The following STOX1 variants were observed in gnomAD, a reference collection of about 807,000 sequenced individuals.
STOX1 encodes storkhead box 1, also known as storkhead-box protein 1.
In STOX1, 57 loss-of-function variants were observed where a neutral mutation model predicts 74.8. That is an observed-to-expected ratio of 0.76 (90% CI 0.62 to 0.95). The LOEUF is 0.95. Among genes scored for constraint, STOX1 ranks in the 40% least tolerant of loss-of-function variants. The probability of loss-of-function intolerance (pLI) is 0.00; values close to 1 mark genes in which losing one functional copy is unlikely to be tolerated. For missense variants in STOX1, 1,010 were observed against 1,117.0 expected (o/e 0.90, Z 1.37); for synonymous variants, 375 against 401.3 (o/e 0.93, Z 0.78).
chr10:68,858,385 G>A (rs922589340), intron 1 of STOX1, among the ~76,000 whole-genome samples: 5 of 152,034 alleles, frequency 3.3e-5, no homozygotes, highest in Middle Eastern at 3.2e-3. Context: ...GCTGAGGAGC[G>A]GTCACCTCCA....
In STOX1 at chr10:68,827,697, C is replaced by T. The variant is rs1489728775; in HGVS notation, c.74C>T (p.Ala25Val). 4 of 939,570 alleles carry T rather than the reference C, an allele frequency of 4.3e-6. No homozygotes were observed. Among genetic ancestry groups the T allele is most frequent in the African/African-American group, 1.8e-5 (1 of 55,722 alleles). 58.2% of individuals were successfully genotyped at this position (939,570 alleles called of 1,614,324 possible). A position where few individuals can be genotyped will look rare whatever the true frequency, so the allele number is the denominator to read the frequency against. ...TGCCGGCTGGAGGCGCAGAAGGCGG[C>T]GGGGGCCGCGGAGGAGCCTGGTGGG... ...VLCRLEAQKA[A>V]GAAEEPGGRA... The change falls in exon 1 of 4, where the codon GCG (alanine) becomes GTG (valine). Residue 25 changes from alanine (A) to valine (V), a missense_variant. Physicochemically the swap from Ala to Val is moderately conservative, Grantham distance 64. Transcript: ENST00000298596.
At chr10:68,851,402 AATT>A in intron 1 of STOX1, among the ~76,000 whole-genome samples, 1 of 152,240 alleles carries the variant, frequency 6.6e-6, no homozygotes, top group East Asian at 1.9e-4. Flanking sequence ...TTTCTAATAT[AATT>A]ATGATCCAAT....
At position 68,885,591 on chromosome 10, in the gene STOX1, C is replaced by T. The variant is rs1245198469; in HGVS notation, c.1795C>T (p.Pro599Ser). The T allele has an allele frequency of 6.2e-7, 1 of 1,614,018 alleles. No homozygotes were observed. Among genetic ancestry groups the T allele is most frequent in the Non-Finnish European group, 8.5e-7 (1 of 1,180,040 alleles). ...GTTGCAAAATGATGGTAAATGCTGT[C>T]CCTTTATGGAAAGCATGTTGAGATA... ...SMLQNDGKCC[P>S]FMESMLRYEV... Residue 599 changes from proline (P) to serine (S), a missense_variant, in exon 3 of 4, where the codon CCC becomes TCC. Transcript: ENST00000298596.
intron 2 of STOX1, 54 bp downstream of exon 2, chr10:68,882,164 A>G: frequency 6.5e-7 from 1 of 1,547,506 alleles, no homozygotes; most frequent in Non-Finnish European, 8.9e-7. Context: ...TTTGGTTTCT[A>G]TTTATAATTA....
chr10:68,890,615 T>A (rs1841073885), intron 3 of STOX1, among the ~76,000 whole-genome samples: 1 of 151,866 alleles, frequency 6.6e-6, no homozygotes, highest in African/African-American at 2.4e-5. Context: ...TAAAAACGTA[T>A]CATTACTTCT....
chr10:68,884,502 G>C lies in STOX1; in HGVS notation c.706G>C (p.Ala236Pro). The change falls in exon 3 of 4, where the codon GCC becomes CCC. Residue 236 changes from alanine to proline, a missense_variant. Physicochemically the swap from Ala to Pro is conservative, Grantham distance 27 (BLOSUM62 -1). Transcript: ENST00000298596. ...TGCAGAGTCAGCCCAAGAGAATGCT[G>C]CCCCCATATCCCACTGTCAGTCTTG... is the stretch of plus-strand genomic sequence containing the variant. Reference protein sequence around the residue: ...SCAESAQENAAPISHCQSCQC... With the variant: ...SCAESAQENAPPISHCQSCQC... 1 of 1,613,774 alleles carries C rather than the reference G, an allele frequency of 6.2e-7. No homozygotes were observed. The highest frequency in any genetic ancestry group is 1.1e-5 in the South Asian group (1 of 91,086).
chr10:68,870,315 G>A (rs1840507376), intron 1 of STOX1, among the ~76,000 whole-genome samples: 1 of 152,084 alleles, frequency 6.6e-6, no homozygotes, highest in Non-Finnish European at 1.5e-5. Flanking sequence ...ACCATAATCT[G>A]TTCCAGGTTT....
chr10:68,842,017 G>A (rs1839702948), intron 1 of STOX1, among the ~76,000 whole-genome samples: 3 of 151,592 alleles, frequency 2.0e-5, no homozygotes, highest in Non-Finnish European at 2.9e-5. Flanking sequence ...GTGTGTGTTG[G>A]AGGATCATGG....
intron 1 of STOX1, among the ~76,000 whole-genome samples, chr10:68,848,664 G>GTTTGT (rs754605527): frequency 6.6e-6 from 1 of 152,024 alleles, no homozygotes; most frequent in African/African-American, 2.4e-5. Context: ...TGAGCAGTTT[G>GTTTGT]TTTGTTTTGT....
chr10:68,879,974 G>C (rs1352974001), intron 1 of STOX1, among the ~76,000 whole-genome samples: 5 of 152,112 alleles, frequency 3.3e-5, no homozygotes, highest in African/African-American at 1.2e-4. Context: ...AAGCACCTCA[G>C]TCCTGGGCAT....
chr10:68,856,593 A>G (rs1297634456), intron 1 of STOX1, among the ~76,000 whole-genome samples: 1 of 152,068 alleles, frequency 6.6e-6, no homozygotes, highest in African/African-American at 2.4e-5. Flanking sequence ...CTCCTGAGAC[A>G]GGAAGATCAG....
At chr10:68,837,860 AC>A (rs541597463) in intron 1 of STOX1, among the ~76,000 whole-genome samples, 289 of 152,322 alleles carry the variant, frequency 1.9e-3, no homozygotes, top group South Asian at 3.9e-3. Context: ...CCAATAAGAT[AC>A]CATCTATGCA....
chr10:68,835,080 T>C (rs1256181171), intron 1 of STOX1, among the ~76,000 whole-genome samples: 1 of 150,190 alleles, frequency 6.7e-6, no homozygotes, highest in Non-Finnish European at 1.5e-5. Flanking sequence ...CTTGCTCTTT[T>C]GCTCAGGCTG....
intron 1 of STOX1, among the ~76,000 whole-genome samples, chr10:68,842,536 C>CTTT (rs11332701): frequency 8.5e-4 from 61 of 71,916 alleles, no homozygotes; most frequent in Non-Finnish European, 9.3e-4. Context: ...TGTACCATTT[C>CTTT]TTTTTTTTTT....
intron 1 of STOX1, among the ~76,000 whole-genome samples, chr10:68,839,757 G>A (rs1839648106): frequency 6.6e-6 from 1 of 152,170 alleles, no homozygotes; most frequent in African/African-American, 2.4e-5. Flanking sequence ...AGGCGTGGTA[G>A]TGGGAGCCTG....
chr10:68,831,224 G>A (rs932702178), intron 1 of STOX1, among the ~76,000 whole-genome samples: 1 of 152,090 alleles, frequency 6.6e-6, no homozygotes, highest in Non-Finnish European at 1.5e-5. Flanking sequence ...TTTCACCCTT[G>A]TTGCCCAGGC....
At chr10:68,852,928 T>C (rs1411723405) in intron 1 of STOX1, among the ~76,000 whole-genome samples, 1 of 138,538 alleles carries the variant, frequency 7.2e-6, no homozygotes, top group Non-Finnish European at 1.5e-5. Context: ...AAACACTTCT[T>C]TTTTTTTTTT....
intron 1 of STOX1, among the ~76,000 whole-genome samples, chr10:68,872,627 G>A (rs571433288): frequency 1.6e-3 from 246 of 152,238 alleles, no homozygotes; most frequent in Non-Finnish European, 3.1e-3. Context: ...GATTACAGGC[G>A]TGAGCCACTG....
intron 1 of STOX1, among the ~76,000 whole-genome samples, chr10:68,832,911 G>A (rs542168108): frequency 4.0e-5 from 6 of 151,782 alleles, no homozygotes; most frequent in African/African-American, 9.7e-5. Flanking sequence ...ACACAGTTGC[G>A]TGCCACTGTG....
Sources: gnomAD v4.1 joint callset for allele counts (sites outside exome capture counted in the v4.1 genomes callset) on GRCh38, gnomAD v4.1.1 for gene constraint, MANE v1.5 for transcripts, NCBI Gene and HGNC (gene_info 2026-07-23, HGNC 2026-07-21) for gene names.